E2F8: variants seen among roughly 807,000 people sequenced by gnomAD.
The protein encoded by E2F8 is transcription factor E2F8.
Under a neutral mutation model 80.8 loss-of-function variants are expected in E2F8, and 35 were observed. The observed-to-expected ratio is 0.43, with a 90% CI of 0.33 to 0.57. The LOEUF is 0.57. Ranked by LOEUF, E2F8 falls within the 20% of genes least tolerant of loss-of-function variation. The probability of loss-of-function intolerance (pLI) is 0.04; values close to 1 mark genes in which losing one functional copy is unlikely to be tolerated. For missense variants in E2F8, 975 were observed against 1,056.2 expected, an observed-to-expected ratio of 0.92 and a Z score of 1.07; for synonymous variants, 386 against 395.0, an observed-to-expected ratio of 0.98 and a Z score of 0.27.
At chr11:19,240,434 C>T (rs1851628235) in intron 1 of E2F8, 114 bp downstream of exon 1, 1 of 197,070 alleles carries the variant, frequency 5.1e-6, no homozygotes, top group African/African-American at 2.3e-5. Context: ...GCAAACGGAT[C>T]GGCGGTCCTA....
intron 6 of E2F8, among the ~76,000 whole-genome samples, chr11:19,234,049 G>A (rs2133571156): frequency 6.6e-6 from 1 of 150,986 alleles, no homozygotes; most frequent in East Asian, 2.0e-4. Flanking sequence ...TCCGGAGACT[G>A]AGGCAGGAGA....
intron 10 of E2F8, among the ~76,000 whole-genome samples, chr11:19,228,234 A>G (rs954775256): frequency 6.6e-6 from 1 of 152,188 alleles, no homozygotes; most frequent in African/African-American, 2.4e-5. Flanking sequence ...AAAAGAAGTT[A>G]TGGACCTTCC....
chr11:19,238,808 A>T (rs1851589299), intron 2 of E2F8, among the ~76,000 whole-genome samples: 1 of 152,196 alleles, frequency 6.6e-6, no homozygotes, highest in Non-Finnish European at 1.5e-5. Flanking sequence ...GGGCCCAGAG[A>T]AGTAAAATGA....
rs556312133 is a variant in E2F8 at position 19,238,492 on chromosome 11, G to C, written c.16-360C>G. Among the ~76,000 whole-genome samples, 16 of 152,364 alleles carry C rather than the reference G, an allele frequency of 1.1e-4. No individual in the cohort carries two copies. In the South Asian group the frequency reaches 2.3e-3, roughly 22 times the overall value. ...AGAGTTCCCAAATGCCCTTCACTCA[G>C]CTTCCCCTAATTGGACTGACAATGT... is the stretch of plus-strand genomic sequence containing the variant. On this transcript the variant is annotated intron_variant, in intron 2 of 12. Coordinates refer to ENST00000250024, the MANE Select transcript of E2F8 (RefSeq NM_024680.4).
chr11:19,234,925 G>A lies in E2F8; in HGVS notation c.585C>T (p.Ser195=). The A allele has an allele frequency of 1.2e-6, 2 of 1,614,194 alleles. No homozygotes were observed. Among genetic ancestry groups the A allele is most frequent in the Non-Finnish European group, 1.7e-6 (2 of 1,180,040 alleles). Residue 195 remains serine, a synonymous_variant, in exon 5 of 13, where the codon AGC becomes AGT. Transcript: ENST00000250024. ...NLNKTLGTLK[S]IGEENKYAEQ... is the part of the protein sequence containing the mutation. ...CGGCGTACTTATTCTCCTCCCCGAT[G>A]CTCTTCAAGGTGCCAAGGGTTTTGT...
At chr11:19,234,145 TAAAAAAAAAAAA>T (rs967973962) in intron 6 of E2F8, among the ~76,000 whole-genome samples, 1 of 92,568 alleles carries the variant, frequency 1.1e-5, no homozygotes, top group South Asian at 3.8e-4. Flanking sequence ...AGACTCCGTC[TAAAAAAAAAAAA>T]AAAAAAAAAG....
intron 6 of E2F8, among the ~76,000 whole-genome samples, chr11:19,233,653 A>G (rs1851436564): frequency 6.6e-6 from 1 of 151,740 alleles, no homozygotes; most frequent in Admixed American, 6.6e-5. Context: ...ACGCCCGGCT[A>G]ATTTTTTTGT....
intron 10 of E2F8, among the ~76,000 whole-genome samples, chr11:19,227,659 G>A (rs986570192): frequency 1.3e-5 from 2 of 152,094 alleles, no homozygotes; most frequent in Non-Finnish European, 2.9e-5. Context: ...TTCACTACCT[G>A]ATATGTTTGT....
rs35243346 is a variant in E2F8 at position 19,234,904 on chromosome 11, G to A, written c.606C>T (p.Tyr202=). ...TLKSIGEENK[Y]AEQIMMIKKK... ...TTTTGATCATCATAATCTGCTCGGC[G>A]TACTTATTCTCCTCCCCGATGCTCT... Residue 202 remains tyrosine (Y), a synonymous_variant, in exon 5 of 13, where the codon TAC becomes TAT. Transcript: ENST00000250024. 6.7e-4 allele frequency: 1,075 copies of A among 1,614,120 alleles called. 10 individuals are homozygous for A. In the African/African-American group the frequency reaches 0.012, roughly 18 times the overall value.
At chr11:19,230,966 G>C (rs1590125468) in intron 7 of E2F8, 132 bp from the exon 8 acceptor site, 1 of 731,552 alleles carries the variant, frequency 1.4e-6, no homozygotes, top group East Asian at 2.7e-5. Context: ...CTGTTCTAAG[G>C]GCTTTACAGA....
rs376945611 is a variant in E2F8, at chr11:19,233,648, C to T, written c.928+712G>A. 4.1e-4 allele frequency among the ~76,000 whole-genome samples: 62 copies of T among 152,000 alleles called. 2 individuals carry two copies. In the East Asian group the frequency reaches 9.9e-3, roughly 24 times the overall value. The stretch of plus-strand genomic sequence containing the variant: ...GACTACAGGTGCACGCCACCACGCC[C>T]GGCTAATTTTTTTGTATTTTTAGTA... On this transcript the variant is annotated intron_variant, in intron 6 of 12. Coordinates refer to ENST00000250024, the MANE Select transcript of E2F8 (RefSeq NM_024680.4).
intron 7 of E2F8, 100 bp from the exon 8 acceptor site, chr11:19,230,934 A>G: frequency 1.9e-6 from 2 of 1,029,534 alleles, no homozygotes; most frequent in African/African-American, 1.6e-5. Context: ...CAAGTTACAG[A>G]GCACCGACCA....
intron 10 of E2F8, 61 bp from the exon 11 acceptor site, chr11:19,225,925 T>C: frequency 7.7e-6 from 12 of 1,567,308 alleles, no homozygotes; most frequent in Non-Finnish European, 8.6e-6. Flanking sequence ...AATGGCCACG[T>C]GCCTCTTTCA....
intron 7 of E2F8, among the ~76,000 whole-genome samples, chr11:19,231,088 T>G (rs1194602058): frequency 6.6e-6 from 1 of 152,202 alleles, no homozygotes; most frequent in Non-Finnish European, 1.5e-5. Flanking sequence ...GTGTAGTTAT[T>G]AGTGATTTTT....
chr11:19,225,408 G>A lies in E2F8; in HGVS notation c.2234C>T (p.Ser745Leu). 3 of 1,614,220 alleles carry A rather than the reference G, an allele frequency of 1.9e-6. No homozygotes were observed. The highest frequency in any genetic ancestry group is 1.1e-5 in the South Asian group (1 of 91,084). The change falls in exon 12 of 13, where the codon TCA (serine) becomes TTA (leucine). Residue 745 changes from serine (S) to leucine (L), a missense_variant. By Grantham distance (145) the Ser-to-Leu change is moderately radical. Transcript: ENST00000250024. ...NFTLQHLGLI[S>L]PNVQLSASPG... is the part of the protein sequence containing the mutation. ...GCTGGCAGACAACTGCACATTGGGT[G>A]AGATGAGTCCCAGGTGCTGCAGGGT...
At chr11:19,228,571 TG>T in intron 10 of E2F8, among the ~76,000 whole-genome samples, 1 of 152,344 alleles carries the variant, frequency 6.6e-6, no homozygotes, top group African/African-American at 2.4e-5. Context: ...CAGAGCACAG[TG>T]CTTTATATCC....
upstream of E2F8, among the ~76,000 whole-genome samples, chr11:19,241,156 G>T (rs556456423): frequency 2.2e-4 from 33 of 152,346 alleles, no homozygotes; most frequent in South Asian, 3.3e-3. The surrounding 1 kb of genome is among the most constrained non-coding windows in gnomAD (Gnocchi z 4.5). Context: ...GCGGAAAGTC[G>T]GACCGTGGCC....
Position 19,240,244 on chromosome 11 carries a change from G to A in E2F8, c.-109-14C>T. On this transcript the variant is annotated splice_polypyrimidine_tract_variant and intron_variant, in intron 1 of 12. Coordinates refer to ENST00000250024, the MANE Select transcript of E2F8 (RefSeq NM_024680.4). Reference sequence around the variant, plus strand: ...AGTTTTAATATCCTTAAAGAAAAAAGGAAATAGAAAAAGTTAGAGAAAAAC... The same window carrying A: ...AGTTTTAATATCCTTAAAGAAAAAAAGAAATAGAAAAAGTTAGAGAAAAAC... The A allele has an allele frequency of 1.8e-6, 1 of 551,748 alleles. No homozygotes were observed. Among genetic ancestry groups the A allele is most frequent in the Non-Finnish European group, 3.0e-6 (1 of 337,732 alleles). The allele number at this position is 551,748 out of a possible 1,614,324, so 34.2% of individuals were successfully genotyped here. A position where few individuals can be genotyped will look rare whatever the true frequency, so the allele number is the denominator to read the frequency against.
At position 19,232,269 on chromosome 11, in the gene E2F8, T is replaced by C; in HGVS notation, c.1031A>G (p.Lys344Arg). 1.2e-6 allele frequency: 2 copies of C among 1,614,230 alleles called. No individual in the cohort carries two copies. The highest frequency in any genetic ancestry group is 1.7e-6 in the Non-Finnish European group (2 of 1,180,042). Reference protein sequence around the residue: ...TEERGRKPAFKWTGPEISPNT... With the variant: ...TEERGRKPAFRWTGPEISPNT... ...TGGACTGATTTCTGGGCCGGTCCATTTGAAAGCTGGTTTTCGGCCTCTTTC... is the reference window on the plus strand; with the variant it reads ...TGGACTGATTTCTGGGCCGGTCCATCTGAAAGCTGGTTTTCGGCCTCTTTC... The change falls in exon 7 of 13, where the codon AAA becomes AGA. Residue 344 changes from lysine (K) to arginine (R), a missense_variant. Coordinates refer to ENST00000250024, the MANE Select transcript of E2F8 (RefSeq NM_024680.4).
Sources: gnomAD v4.1 joint callset for allele counts (sites outside exome capture counted in the v4.1 genomes callset) on GRCh38, gnomAD v4.1.1 for gene constraint, Gnocchi (gnomAD v3.1) non-coding constraint, MANE v1.5 for transcripts, NCBI Gene and HGNC (gene_info 2026-07-23, HGNC 2026-07-21) for gene names.